PXDNL: variants seen among roughly 807,000 people sequenced by gnomAD.
PXDNL encodes probable oxidoreductase PXDNL.
PXDNL carries 145 observed loss-of-function variants against 150.8 expected under a neutral mutation model. That is an observed-to-expected ratio of 0.96 (90% CI 0.84 to 1.10). The LOEUF (loss-of-function observed/expected upper bound fraction) is 1.10, where lower values mean the gene tolerates loss of function less well. Ranked by LOEUF, PXDNL falls within the 50% of genes least tolerant of loss-of-function variation. The pLI is 0.00. For synonymous variants in PXDNL, 757 were observed against 725.7 expected (o/e 1.04, Z -0.69); for missense variants, 2,087 against 1,873.9 (o/e 1.11, Z -2.10).
chr8:51,375,945 A>G (rs1196604618), intron 17 of PXDNL, among the ~76,000 whole-genome samples: 1 of 152,240 alleles, frequency 6.6e-6, no homozygotes, highest in Non-Finnish European at 1.5e-5. Flanking sequence ...TTACAAAATT[A>G]GAAAAGTAGG....
intron 3 of PXDNL, among the ~76,000 whole-genome samples, chr8:51,590,077 G>T (rs921576824): frequency 2.0e-5 from 3 of 152,102 alleles, no homozygotes; most frequent in Admixed American, 6.5e-5. Context: ...TTGCTGCTCA[G>T]AGCCACATTG....
chr8:51,625,326 C>T (rs1466239511), intron 2 of PXDNL, among the ~76,000 whole-genome samples: 2 of 152,168 alleles, frequency 1.3e-5, no homozygotes, highest in African/African-American at 4.8e-5. Context: ...ATATTACTCT[C>T]AAATTACGTA....
At chr8:51,658,204 T>C (rs1487739607) in intron 1 of PXDNL, among the ~76,000 whole-genome samples, 2 of 151,656 alleles carry the variant, frequency 1.3e-5, no homozygotes, top group Non-Finnish European at 2.9e-5. Context: ...TAGCCAGGCA[T>C]GGTGGTACAC....
At chr8:51,688,414 A>C (rs1040418297) in intron 1 of PXDNL, among the ~76,000 whole-genome samples, 14 of 152,184 alleles carry the variant, frequency 9.2e-5, no homozygotes, top group African/African-American at 3.4e-4. Flanking sequence ...CCACACACAG[A>C]ACACACTGCA....
At chr8:51,584,893 G>T (rs753332100) in intron 3 of PXDNL, among the ~76,000 whole-genome samples, 2 of 152,152 alleles carry the variant, frequency 1.3e-5, no homozygotes, top group African/African-American at 4.8e-5. Context: ...GAAAGGGAAA[G>T]ATTTGGACAA....
At position 51,475,140 on chromosome 8, in the gene PXDNL, G is replaced by C; in HGVS notation, c.526C>G (p.Arg176Gly). ...FSNLDSLKRL[R>G]LDSNALVCDC... ...CAAACCAGGGCGTTGGAATCCAGAC[G>C]CCTAGGCATGCAGGCAAGAAGTACA... is the stretch of plus-strand genomic sequence containing the variant. The change falls in exon 7 of 23, where the codon CGT becomes GGT. Residue 176 changes from arginine (R) to glycine (G), a missense_variant and splice_region_variant. Transcript: ENST00000356297. 1 of 1,610,900 alleles carries C rather than the reference G, an allele frequency of 6.2e-7. No homozygotes were observed. The highest frequency in any genetic ancestry group is 8.5e-7 in the Non-Finnish European group (1 of 1,177,616).
intron 20 of PXDNL, among the ~76,000 whole-genome samples, chr8:51,345,122 G>T (rs1403979005): frequency 6.6e-6 from 1 of 152,212 alleles, no homozygotes; most frequent in African/African-American, 2.4e-5. Context: ...GAAAGAACCT[G>T]CATGGACTAT....
chr8:51,568,733 T>A (rs1249139970), intron 3 of PXDNL, among the ~76,000 whole-genome samples: 1 of 151,940 alleles, frequency 6.6e-6, no homozygotes, highest in Non-Finnish European at 1.5e-5. Context: ...TTCCATTACA[T>A]GTATGTTACA....
intron 1 of PXDNL, among the ~76,000 whole-genome samples, chr8:51,714,849 T>C (rs1317972611): frequency 1.3e-5 from 2 of 152,232 alleles, no homozygotes; most frequent in African/African-American, 4.8e-5. Context: ...AAAGCTGCAA[T>C]TGTCTTTTTT....
intron 1 of PXDNL, among the ~76,000 whole-genome samples, chr8:51,730,852 AT>A (rs1362888272): frequency 6.6e-6 from 1 of 152,186 alleles, no homozygotes; most frequent in Non-Finnish European, 1.5e-5. Context: ...TTATGATACC[AT>A]CAGATCTCAT....
At chr8:51,743,410 G>T (rs2036928455) in intron 1 of PXDNL, among the ~76,000 whole-genome samples, 1 of 151,736 alleles carries the variant, frequency 6.6e-6, no homozygotes, top group African/African-American at 2.4e-5. Flanking sequence ...ACAGAGTCTT[G>T]CTCTGTCCCC....
rs574939918 is a variant in PXDNL at position 51,660,598 on chromosome 8, C to T, written c.165-5838G>A. Among the ~76,000 whole-genome samples the T allele has an allele frequency of 3.9e-5, 6 of 152,218 alleles. No individual in the cohort carries two copies. In the East Asian group the frequency reaches 1.2e-3, roughly 29 times the overall value. ...TTCTTTCTGGGAGAAAGCCTGTCTT[C>T]CTGAGAAAAAGATCAACCAGATCTG... On this transcript the variant is annotated intron_variant, in intron 1 of 22. Transcript: ENST00000356297.
intron 4 of PXDNL, among the ~76,000 whole-genome samples, chr8:51,544,215 A>T (rs1040339827): frequency 6.6e-6 from 1 of 152,216 alleles, no homozygotes; most frequent in East Asian, 1.9e-4. Context: ...GCAACTGAGC[A>T]TGAACTTTTC....
At chr8:51,508,457 C>T (rs894508979) in intron 4 of PXDNL, among the ~76,000 whole-genome samples, 2 of 152,180 alleles carry the variant, frequency 1.3e-5, no homozygotes, top group Non-Finnish European at 2.9e-5. Flanking sequence ...CATTGGAATG[C>T]GTCGGTTAGT....
intron 3 of PXDNL, among the ~76,000 whole-genome samples, chr8:51,574,880 C>A (rs1563469868): frequency 6.6e-6 from 1 of 151,866 alleles, no homozygotes; most frequent in African/African-American, 2.4e-5. Flanking sequence ...CATTTGTCAA[C>A]AGCAGAGCTA....
chr8:51,541,284 T>C (rs1374384007), intron 4 of PXDNL, among the ~76,000 whole-genome samples: 1 of 151,068 alleles, frequency 6.6e-6, no homozygotes, highest in Non-Finnish European at 1.5e-5. Context: ...TATTGGACTT[T>C]CTGCCACACA....
chr8:51,391,783 T>C (rs1303664643), intron 17 of PXDNL, among the ~76,000 whole-genome samples: 1 of 152,162 alleles, frequency 6.6e-6, no homozygotes, highest in Non-Finnish European at 1.5e-5. Flanking sequence ...TTGCCATTGC[T>C]TTTGGTGTTT....
chr8:51,404,077 C>T (rs1255987972), intron 17 of PXDNL, among the ~76,000 whole-genome samples: 4 of 152,190 alleles, frequency 2.6e-5, no homozygotes, highest in African/African-American at 7.2e-5. Context: ...CTTGTTCATT[C>T]TTCCTGGTGG....
intron 2 of PXDNL, among the ~76,000 whole-genome samples, chr8:51,646,677 T>C (rs576320650): frequency 6.6e-5 from 10 of 152,164 alleles, no homozygotes; most frequent in Admixed American, 3.3e-4. Flanking sequence ...GGAGCCTTGC[T>C]CCTAAGGGGA....
Sources: gnomAD v4.1 joint callset for allele counts (sites outside exome capture counted in the v4.1 genomes callset) on GRCh38, gnomAD v4.1.1 for gene constraint, MANE v1.5 for transcripts, NCBI Gene and HGNC (gene_info 2026-07-23, HGNC 2026-07-21) for gene names.